OPCML: variants seen among roughly 807,000 people sequenced by gnomAD.
OPCML encodes opioid-binding protein/cell adhesion molecule.
A neutral mutation model predicts 37.8 loss-of-function variants in OPCML; 13 were observed. The observed-to-expected ratio is 0.34, with a 90% CI of 0.22 to 0.55. The LOEUF (loss-of-function observed/expected upper bound fraction) is 0.55. Among genes scored for constraint, OPCML ranks in the 20% least tolerant of loss-of-function variants. The pLI is 0.91. For missense variants in OPCML, 341 were observed against 435.6 expected, an observed-to-expected ratio of 0.78 and a Z score of 1.93; for synonymous variants, 176 against 168.8, an observed-to-expected ratio of 1.04 and a Z score of -0.33.
chr11:133,344,512 C>A (rs928122738), intron 1 of OPCML, among the ~76,000 whole-genome samples: 1 of 152,160 alleles, frequency 6.6e-6, no homozygotes, highest in African/African-American at 2.4e-5. Context: ...TCCCATCTTA[C>A]GGCATCACAC....
intron 3 of OPCML, among the ~76,000 whole-genome samples, chr11:132,617,586 C>T (rs1939118815): frequency 1.3e-5 from 2 of 152,230 alleles, no homozygotes; most frequent in African/African-American, 4.8e-5. Flanking sequence ...TCAGTCTTCT[C>T]AGGCTGCCAG....
chr11:132,971,743 T>G (rs1946347540), intron 1 of OPCML, among the ~76,000 whole-genome samples: 1 of 152,102 alleles, frequency 6.6e-6, no homozygotes, highest in Non-Finnish European at 1.5e-5. Context: ...GTCATTACAC[T>G]GTCACCTTTC....
At chr11:132,641,098 T>C (rs1376212806) in intron 3 of OPCML, among the ~76,000 whole-genome samples, 1 of 152,134 alleles carries the variant, frequency 6.6e-6, no homozygotes, top group African/African-American at 2.4e-5. Flanking sequence ...GCAGCAGGCA[T>C]CACCTGGACA....
At chr11:132,663,731 T>C (rs1454633957) in intron 2 of OPCML, among the ~76,000 whole-genome samples, 1 of 152,230 alleles carries the variant, frequency 6.6e-6, no homozygotes, top group Non-Finnish European at 1.5e-5. Flanking sequence ...AACTTCGTTA[T>C]CACAGGATGA....
intron 1 of OPCML, among the ~76,000 whole-genome samples, chr11:133,442,831 T>C (rs1946392955): frequency 6.6e-6 from 1 of 151,858 alleles, no homozygotes; most frequent in African/African-American, 2.4e-5. Flanking sequence ...TGTAATCATT[T>C]AGAAGAGACT....
intron 2 of OPCML, among the ~76,000 whole-genome samples, chr11:132,802,809 T>C (rs1008974815): frequency 2.0e-4 from 30 of 152,242 alleles, no homozygotes; most frequent in Admixed American, 1.7e-3. Flanking sequence ...GAATTTCCTC[T>C]AGAAATGAAG....
chr11:132,588,689 G>T (rs2096478387), intron 3 of OPCML, among the ~76,000 whole-genome samples: 1 of 152,158 alleles, frequency 6.6e-6, no homozygotes, highest in African/African-American at 2.4e-5. Context: ...ACTTCCATGT[G>T]TAAGGCTGGG....
At chr11:133,284,005 C>T (rs1942231920) in intron 1 of OPCML, among the ~76,000 whole-genome samples, 1 of 152,156 alleles carries the variant, frequency 6.6e-6, no homozygotes. Context: ...TCACTTTCCG[C>T]CAGCAGTAAT....
intron 2 of OPCML, among the ~76,000 whole-genome samples, chr11:132,733,383 G>A (rs777828150): frequency 3.9e-5 from 6 of 152,088 alleles, no homozygotes; most frequent in Non-Finnish European, 8.8e-5. Context: ...ATTTCCGCTT[G>A]TCTGCTAAGA....
Position 133,271,029 on chromosome 11 carries a change from C to T in OPCML, c.61+261235G>A, listed in dbSNP as rs539474178. On this transcript the variant is annotated intron_variant, in intron 1 of 7. Transcript: ENST00000524381. Reference sequence around the variant, plus strand: ...CACCAATTCGACATTTATGCTGAGGCTGATGAGGAAGGTTACGCTGATCTA... The same window carrying T: ...CACCAATTCGACATTTATGCTGAGGTTGATGAGGAAGGTTACGCTGATCTA... Among the ~76,000 whole-genome samples, 6 of 152,244 alleles carry T rather than the reference C, an allele frequency of 3.9e-5. No homozygotes were observed. In the South Asian group the frequency reaches 1.2e-3, roughly 32 times the overall value.
intron 1 of OPCML, among the ~76,000 whole-genome samples, chr11:133,408,668 C>G (rs1945576354): frequency 6.6e-6 from 1 of 152,062 alleles, no homozygotes; most frequent in Admixed American, 6.5e-5. Flanking sequence ...AGACTGGGGC[C>G]TTGTACACAT....
intron 3 of OPCML, among the ~76,000 whole-genome samples, chr11:132,575,963 CT>C (rs2096449571): frequency 6.6e-6 from 1 of 151,954 alleles, no homozygotes; most frequent in African/African-American, 2.4e-5. Context: ...CTTCCATTCC[CT>C]TATGGCCTGT....
At chr11:133,386,060 G>A (rs1945041528) in intron 1 of OPCML, among the ~76,000 whole-genome samples, 1 of 152,130 alleles carries the variant, frequency 6.6e-6, no homozygotes, top group African/African-American at 2.4e-5. Flanking sequence ...AGCGGGAGAG[G>A]GGAAGTGTGT....
chr11:132,448,219 T>A (rs1302904049), intron 4 of OPCML, among the ~76,000 whole-genome samples: 2 of 152,252 alleles, frequency 1.3e-5, no homozygotes, highest in Non-Finnish European at 2.9e-5. Context: ...TCTCTTTCTT[T>A]CCTTTTATTT....
At chr11:132,966,432 A>G (rs948878723) in intron 1 of OPCML, among the ~76,000 whole-genome samples, 1 of 152,076 alleles carries the variant, frequency 6.6e-6, no homozygotes, top group Non-Finnish European at 1.5e-5. Flanking sequence ...CATTATTTCA[A>G]TCATTTAAAG....
At chr11:132,574,244 GT>G (rs147327153) in intron 3 of OPCML, among the ~76,000 whole-genome samples, 13,618 of 129,572 alleles carry the variant, frequency 0.11, 1,381 homozygotes, top group African/African-American at 0.26. Context: ...TAATCTTTGT[GT>G]TTTTTTTTTT....
intron 1 of OPCML, among the ~76,000 whole-genome samples, chr11:133,458,187 T>C (rs770702985): frequency 4.3e-5 from 6 of 140,706 alleles, no homozygotes; most frequent in Non-Finnish European, 6.0e-5. Flanking sequence ...TGTGTATATA[T>C]ACACATATAT....
intron 2 of OPCML, among the ~76,000 whole-genome samples, chr11:132,761,206 C>G (rs1218074122): frequency 6.6e-6 from 1 of 150,756 alleles, no homozygotes; most frequent in African/African-American, 2.4e-5. Flanking sequence ...AGTAACCTGG[C>G]CTTTCTCTCT....
intron 1 of OPCML, among the ~76,000 whole-genome samples, chr11:133,319,927 G>T (rs1219265984): frequency 6.6e-6 from 1 of 152,188 alleles, no homozygotes; most frequent in African/African-American, 2.4e-5. Context: ...AATTTCCAAG[G>T]CATATGCATC....
Sources: allele counts gnomAD v4.1 joint callset (sites outside exome capture counted in the v4.1 genomes callset), GRCh38; gene constraint gnomAD v4.1.1; transcripts MANE v1.5; gene names NCBI Gene and HGNC (gene_info 2026-07-23, HGNC 2026-07-21).